Variants in PLXNA4 observed in about 807,000 individuals in gnomAD.
PLXNA4 encodes plexin-A4.
In PLXNA4, 44 loss-of-function variants were observed where a neutral mutation model predicts 191.8. That is an observed-to-expected ratio of 0.23 (90% CI 0.18 to 0.29). The LOEUF is 0.29. Ranked by LOEUF, PLXNA4 falls within the 10% of genes least tolerant of loss-of-function variation. PLXNA4 has a pLI of 1.00. For missense variants in PLXNA4, 1,800 were observed against 2,488.8 expected (o/e 0.72, Z 5.89); for synonymous variants, 1,082 against 1,009.5 (o/e 1.07, Z -1.36).
At chr7:132,570,563 T>C (rs1363367274) in intron 1 of PLXNA4, among the ~76,000 whole-genome samples, 1 of 152,200 alleles carries the variant, frequency 6.6e-6, no homozygotes, top group Non-Finnish European at 1.5e-5. Context: ...GAACTGATCT[T>C]GAGCGAAGAC....
intron 25 of PLXNA4, 23 bp downstream of exon 25, chr7:132,159,450 C>T: frequency 6.2e-7 from 1 of 1,612,756 alleles, no homozygotes; most frequent in Non-Finnish European, 8.5e-7. Flanking sequence ...CAAGGACAGC[C>T]CCTGGGTGGA....
chr7:132,477,143 T>G (rs1797162550), intron 3 of PLXNA4, among the ~76,000 whole-genome samples: 1 of 152,236 alleles, frequency 6.6e-6, no homozygotes, highest in African/African-American at 2.4e-5. Context: ...ACCAAGAAGA[T>G]AGTTCTTGAC....
chr7:132,308,813 AATG>A, intron 3 of PLXNA4, among the ~76,000 whole-genome samples: 1 of 152,334 alleles, frequency 6.6e-6, no homozygotes, highest in Middle Eastern at 3.4e-3. Flanking sequence ...ATTAATGTGC[AATG>A]ATTACTATTC....
At chr7:132,234,775 C>T (rs1367154612) in intron 5 of PLXNA4, among the ~76,000 whole-genome samples, 2 of 152,042 alleles carry the variant, frequency 1.3e-5, no homozygotes, top group Admixed American at 6.6e-5. Flanking sequence ...TTCTTTGGAA[C>T]AGAGGCTGAT....
intron 1 of PLXNA4, among the ~76,000 whole-genome samples, chr7:132,547,817 C>T (rs1377336411): frequency 6.6e-6 from 1 of 152,122 alleles, no homozygotes; most frequent in Non-Finnish European, 1.5e-5. Flanking sequence ...CTCTTTGGAC[C>T]ACTCTGTATT....
rs1004423457 is a variant in PLXNA4 at position 132,130,163 on chromosome 7, T to A, written c.*316A>T. On this transcript the variant is annotated 3_prime_UTR_variant, in exon 32 of 32. Transcript: ENST00000321063. The stretch of plus-strand genomic sequence containing the variant: ...CGTTATTTGCACCCTGCTGCTGACA[T>A]GCACAGGGTCAGGAGCACCTGGGAG... 1 of 314,832 alleles carries A rather than the reference T, an allele frequency of 3.2e-6. No homozygotes were observed. Among genetic ancestry groups the A allele is most frequent in the South Asian group, 4.6e-5 (1 of 21,850 alleles). The allele number at this position is 314,832 out of a possible 1,614,324, so 19.5% of individuals were successfully genotyped here.
upstream of PLXNA4, chr7:132,576,695 G>A (rs1015841845): frequency 7.6e-5 from 51 of 670,596 alleles, no homozygotes; most frequent in African/African-American, 9.0e-4. This position sits in a 1 kb window ranked among gnomAD's most constrained non-coding sequence, Gnocchi z 5.8. Flanking sequence ...AAAAAGGTCG[G>A]AAAATGGGGA....
chr7:132,201,589 G>A (rs59400141), intron 12 of PLXNA4, among the ~76,000 whole-genome samples: 11,538 of 152,190 alleles, frequency 0.076, 608 homozygotes, highest in Admixed American at 0.17. Context: ...ACCAGCATCC[G>A]CAGTGGTAAA....
chr7:132,308,463 G>A (rs370926507), intron 3 of PLXNA4, among the ~76,000 whole-genome samples: 4 of 152,232 alleles, frequency 2.6e-5, no homozygotes, highest in South Asian at 2.1e-4. Flanking sequence ...CCTGCCATGC[G>A]CCACACACCA....
intron 21 of PLXNA4, among the ~76,000 whole-genome samples, chr7:132,168,886 G>C (rs1414432240): frequency 6.6e-6 from 1 of 152,210 alleles, no homozygotes; most frequent in Non-Finnish European, 1.5e-5. Context: ...GTTGATGAGG[G>C]CCCCTGTGTC....
intron 3 of PLXNA4, among the ~76,000 whole-genome samples, chr7:132,318,267 A>C (rs2116622507): frequency 6.6e-6 from 1 of 152,346 alleles, no homozygotes; most frequent in Non-Finnish European, 1.5e-5. Flanking sequence ...TGAGCACCAG[A>C]GATCACACCA....
intron 3 of PLXNA4, among the ~76,000 whole-genome samples, chr7:132,401,752 G>A (rs1222967605): frequency 6.6e-6 from 1 of 152,112 alleles, no homozygotes; most frequent in East Asian, 1.9e-4. Context: ...GAGTGAAGAT[G>A]GATAAAACTT....
intron 3 of PLXNA4, among the ~76,000 whole-genome samples, chr7:132,435,866 G>GA (rs1795452252): frequency 6.6e-6 from 1 of 152,184 alleles, no homozygotes; most frequent in Non-Finnish European, 1.5e-5. Context: ...TAACCCCTGT[G>GA]AGGCAAAGGC....
intron 4 of PLXNA4, among the ~76,000 whole-genome samples, chr7:132,280,903 C>T (rs1216750314): frequency 6.6e-6 from 1 of 152,050 alleles, no homozygotes; most frequent in Non-Finnish European, 1.5e-5. Flanking sequence ...TTTGAGCATG[C>T]ACCTACAATG....
chr7:132,197,625 T>G (rs1562914646), intron 13 of PLXNA4, among the ~76,000 whole-genome samples: 1 of 152,162 alleles, frequency 6.6e-6, no homozygotes, highest in Non-Finnish European at 1.5e-5. Context: ...CTACCAAGAC[T>G]GGATCCTTAA....
intron 3 of PLXNA4, among the ~76,000 whole-genome samples, chr7:132,388,941 G>A (rs1265354680): frequency 1.3e-5 from 2 of 152,248 alleles, no homozygotes; most frequent in Non-Finnish European, 2.9e-5. Flanking sequence ...TGGCAGCTCA[G>A]AGCAGAGGCG....
intron 1 of PLXNA4, among the ~76,000 whole-genome samples, chr7:132,525,493 C>T (rs568084852): frequency 1.3e-5 from 2 of 152,302 alleles, no homozygotes; most frequent in South Asian, 2.1e-4. Context: ...CAACAATCCT[C>T]CCACCTCAGT....
At chr7:132,619,465 T>A (rs756591736) in intron 2 of PLXNA4, among the ~76,000 whole-genome samples, 13 of 152,266 alleles carry the variant, frequency 8.5e-5, no homozygotes, top group Non-Finnish European at 1.6e-4. Context: ...TGTTGTCATT[T>A]GTGCTTGCTG....
intron 14 of PLXNA4, among the ~76,000 whole-genome samples, chr7:132,191,496 T>C (rs1797085259): frequency 6.6e-6 from 1 of 152,110 alleles, no homozygotes; most frequent in African/African-American, 2.4e-5. Flanking sequence ...GGGGCCTGAC[T>C]GGGGAAGCAG....
Sources: allele counts gnomAD v4.1 joint callset (sites outside exome capture counted in the v4.1 genomes callset), GRCh38; gene constraint gnomAD v4.1.1; non-coding constraint Gnocchi (gnomAD v3.1); transcripts MANE v1.5; gene names NCBI Gene and HGNC (gene_info 2026-07-23, HGNC 2026-07-21).